Variants in ROBO2 observed in about 807,000 individuals in gnomAD.
The protein encoded by ROBO2 is roundabout homolog 2.
Under a neutral mutation model 160.8 loss-of-function variants are expected in ROBO2, and 53 were observed. The observed-to-expected ratio is 0.33, with a 90% CI of 0.26 to 0.41. The LOEUF (loss-of-function observed/expected upper bound fraction) is 0.41, where lower values mean the gene tolerates loss of function less well. Ranked by LOEUF, ROBO2 falls within the 10% of genes least tolerant of loss-of-function variation. ROBO2 has a pLI of 1.00. For missense variants in ROBO2, 1,577 were observed against 1,722.4 expected, an observed-to-expected ratio of 0.92 and a Z score of 1.49; for synonymous variants, 664 against 611.7, an observed-to-expected ratio of 1.09 and a Z score of -1.26.
Position 77,106,040 on chromosome 3 carries a change from T to TTTTG in ROBO2, c.388+7716_388+7719dup, listed in dbSNP as rs535160203. ...TTTGAATTTATTTCTTACTGTAATTTTTTGTTTGTTTGTTTGTTTTGAGAT... is the reference window on the plus strand; with the variant it reads ...TTTGAATTTATTTCTTACTGTAATTTTTTGTTTGTTTGTTTGTTTGTTTTGAGAT... On this transcript the variant is annotated intron_variant, in intron 2 of 25. Transcript: ENST00000461745. Among the ~76,000 whole-genome samples, 353 of 152,166 alleles carry TTTTG rather than the reference T, an allele frequency of 2.3e-3. 1 individual carries two copies. Among genetic ancestry groups the TTTTG allele is most frequent in the African/African-American group, 8.1e-3 (338 of 41,502 alleles).
intron 2 of ROBO2, among the ~76,000 whole-genome samples, chr3:76,170,167 T>A (rs1267953402): frequency 6.6e-6 from 1 of 151,188 alleles, no homozygotes; most frequent in Non-Finnish European, 1.5e-5. Context: ...TTATTTAGCA[T>A]GGGTAATACA....
chr3:76,329,168 C>G (rs2073284316), intron 2 of ROBO2, among the ~76,000 whole-genome samples: 1 of 152,028 alleles, frequency 6.6e-6, no homozygotes, highest in South Asian at 2.1e-4. Flanking sequence ...AGAGACACGA[C>G]AAGGTCAGGC....
intron 2 of ROBO2, among the ~76,000 whole-genome samples, chr3:76,290,343 T>C (rs1294889077): frequency 6.6e-6 from 1 of 151,986 alleles, no homozygotes; most frequent in Non-Finnish European, 1.5e-5. Context: ...AGATTAGATA[T>C]TGGATGCTTT....
rs2070079574 is a variant in ROBO2 at position 76,108,895 on chromosome 3, T to C, written c.109+171293T>C. Reference sequence around the variant, plus strand: ...ATTTTAGTTATTAATTTATCAATTATTAAAATGTAATTTTATTAGATTACT... The same window carrying C: ...ATTTTAGTTATTAATTTATCAATTACTAAAATGTAATTTTATTAGATTACT... On this transcript the variant is annotated intron_variant, in intron 2 of 26. Coordinates refer to the ROBO2 transcript ENST00000487694. Among the ~76,000 whole-genome samples, 4 of 151,512 alleles carry C rather than the reference T, an allele frequency of 2.6e-5. No homozygotes were observed. In the South Asian group the frequency reaches 8.3e-4, roughly 32 times the overall value.
rs570491511 is a variant in ROBO2 at position 76,054,345 on chromosome 3, C to A, written c.109+116743C>A. Among the ~76,000 whole-genome samples, 7 of 152,246 alleles carry A rather than the reference C, an allele frequency of 4.6e-5. No homozygotes were observed. In the South Asian group the frequency reaches 1.5e-3, roughly 32 times the overall value. The stretch of plus-strand genomic sequence containing the variant: ...GCCCTACCTCCAATAATTGGAAAAT[C>A]TACTTACTGACATGTCAAGTCACTT... On this transcript the variant is annotated intron_variant, in intron 2 of 26. Coordinates refer to the ROBO2 transcript ENST00000487694.
intron 2 of ROBO2, among the ~76,000 whole-genome samples, chr3:76,092,777 T>C (rs941872381): frequency 2.0e-5 from 3 of 152,208 alleles, no homozygotes; most frequent in Non-Finnish European, 4.4e-5. Flanking sequence ...AGCTGTTTTC[T>C]AAGGACCTGA....
At chr3:76,013,102 C>T (rs897328058) in intron 2 of ROBO2, among the ~76,000 whole-genome samples, 5 of 139,290 alleles carry the variant, frequency 3.6e-5, no homozygotes, top group Non-Finnish European at 3.0e-5. Flanking sequence ...AGGCTGGGCA[C>T]GGTGGCTTAT....
chr3:76,754,719 G>A (rs748440580), intron 2 of ROBO2, among the ~76,000 whole-genome samples: 2 of 151,778 alleles, frequency 1.3e-5, no homozygotes, highest in Non-Finnish European at 2.9e-5. Flanking sequence ...CAAGGTTATT[G>A]CTAATAACAT....
intron 2 of ROBO2, among the ~76,000 whole-genome samples, chr3:77,162,542 G>C (rs1035347758): frequency 4.6e-5 from 7 of 152,142 alleles, no homozygotes; most frequent in African/African-American, 1.7e-4. Context: ...GCCAAGTTCA[G>C]CGTCTTAGTG....
intron 2 of ROBO2, among the ~76,000 whole-genome samples, chr3:77,398,627 G>C (rs2075511596): frequency 6.6e-6 from 1 of 151,868 alleles, no homozygotes; most frequent in Non-Finnish European, 1.5e-5. Context: ...TCCCGCCCTG[G>C]CTGGAGTGTA....
At chr3:76,352,759 C>A (rs1042253075) in intron 2 of ROBO2, among the ~76,000 whole-genome samples, 16 of 151,922 alleles carry the variant, frequency 1.1e-4, no homozygotes, top group Admixed American at 1.1e-3. Flanking sequence ...TAGAGTTCCC[C>A]ATAAATATCA....
intron 2 of ROBO2, among the ~76,000 whole-genome samples, chr3:76,644,186 T>C (rs1160383183): frequency 6.6e-6 from 1 of 152,196 alleles, no homozygotes; most frequent in Non-Finnish European, 1.5e-5. Flanking sequence ...TTACCAAGGC[T>C]GCAGTAGCCC....
intron 2 of ROBO2, among the ~76,000 whole-genome samples, chr3:75,959,272 C>G (rs904849531): frequency 2.0e-5 from 3 of 151,438 alleles, no homozygotes; most frequent in Non-Finnish European, 3.0e-5. Flanking sequence ...TATTCCCATA[C>G]GTGTTAAAAT....
At chr3:76,562,932 CTTTT>C (rs980762233) in intron 2 of ROBO2, among the ~76,000 whole-genome samples, 1 of 151,902 alleles carries the variant, frequency 6.6e-6, no homozygotes, top group African/African-American at 2.4e-5. Context: ...CCCTTTCTTT[CTTTT>C]CTTTCTTTCT....
chr3:76,263,143 T>G (rs145720383), intron 2 of ROBO2, among the ~76,000 whole-genome samples: 1 of 152,114 alleles, frequency 6.6e-6, no homozygotes, highest in African/African-American at 2.4e-5. Context: ...TACTTAACTG[T>G]AATACTAAAG....
rs576652345 is a variant in ROBO2 at position 76,683,011 on chromosome 3, G to C, written c.110-415003G>C. 2.0e-5 allele frequency among the ~76,000 whole-genome samples: 3 copies of C among 152,202 alleles called. No homozygotes were observed. In the South Asian group the frequency reaches 6.2e-4, roughly 32 times the overall value. On this transcript the variant is annotated intron_variant, in intron 2 of 26. Transcript: ENST00000487694. ...TGAGATTAGCCAGACAGAACAATCA[G>C]AGAATCTGGGAAGGATCAGATGTGA...
intron 2 of ROBO2, among the ~76,000 whole-genome samples, chr3:76,047,110 A>G (rs532460778): frequency 6.6e-6 from 1 of 152,350 alleles, no homozygotes; most frequent in Admixed American, 6.5e-5. Context: ...TTATAGGTAC[A>G]TAATTCCTGG....
intron 2 of ROBO2, among the ~76,000 whole-genome samples, chr3:76,160,744 GTCTTATCC>G (rs1381449106): frequency 6.6e-6 from 1 of 151,932 alleles, no homozygotes; most frequent in African/African-American, 2.4e-5. Flanking sequence ...TCAAACTGAG[GTCTTATCC>G]TGAGTGCCTC....
At chr3:76,754,183 G>A (rs1016802419) in intron 2 of ROBO2, among the ~76,000 whole-genome samples, 7 of 151,840 alleles carry the variant, frequency 4.6e-5, no homozygotes, top group Admixed American at 3.9e-4. Flanking sequence ...CTTTCCTTTT[G>A]GGCAGTTCAG....
Sources: gnomAD v4.1 joint callset for allele counts (sites outside exome capture counted in the v4.1 genomes callset) on GRCh38, gnomAD v4.1.1 for gene constraint, MANE v1.5 for transcripts, NCBI Gene and HGNC (gene_info 2026-07-23, HGNC 2026-07-21) for gene names.